FRMD3: variants seen among roughly 807,000 people sequenced by gnomAD.
The protein encoded by FRMD3 is FERM domain-containing protein 3.
A neutral mutation model predicts 70.2 loss-of-function variants in FRMD3; 33 were observed. The ratio of observed to expected loss-of-function variants is 0.47; its 90% confidence interval spans 0.36 to 0.63. The LOEUF is 0.63. Among genes scored for constraint, FRMD3 ranks in the 20% least tolerant of loss-of-function variants. FRMD3 has a pLI of 0.00. For missense variants in FRMD3, 632 were observed against 711.4 expected, an observed-to-expected ratio of 0.89 and a Z score of 1.27; for synonymous variants, 279 against 255.9, an observed-to-expected ratio of 1.09 and a Z score of -0.86.
At chr9:83,266,143 A>G (rs1447965276) in intron 13 of FRMD3, among the ~76,000 whole-genome samples, 1 of 152,198 alleles carries the variant, frequency 6.6e-6, no homozygotes, top group East Asian at 1.9e-4. Context: ...TTATAAAAAA[A>G]AAAAATCCTA....
intron 13 of FRMD3, among the ~76,000 whole-genome samples, chr9:83,268,534 T>C (rs1022935131): frequency 1.3e-5 from 2 of 152,250 alleles, no homozygotes; most frequent in Non-Finnish European, 2.9e-5. Flanking sequence ...ATACATGTGA[T>C]GAAATATTGC....
chr9:83,434,819 C>CTTTTT (rs757810185), intron 1 of FRMD3, among the ~76,000 whole-genome samples: 99 of 74,884 alleles, frequency 1.3e-3, no homozygotes, highest in Non-Finnish European at 1.6e-3. Flanking sequence ...CACCCCTCTG[C>CTTTTT]TTTTTTTTTT....
intron 1 of FRMD3, among the ~76,000 whole-genome samples, chr9:83,515,841 A>G (rs781271564): frequency 6.6e-6 from 1 of 152,336 alleles, no homozygotes; most frequent in East Asian, 1.9e-4. Flanking sequence ...AGAATTTTCA[A>G]TCCAGAATTT....
At chr9:83,457,039 C>T (rs188270510) in intron 1 of FRMD3, among the ~76,000 whole-genome samples, 18 of 152,000 alleles carry the variant, frequency 1.2e-4, no homozygotes, top group African/African-American at 3.1e-4. Context: ...AAGAATGAAA[C>T]ACCGAGTTTG....
the FRMD3 span, among the ~76,000 whole-genome samples, chr9:83,573,166 T>C: frequency 2.4e-3 from 365 of 152,330 alleles, no homozygotes; most frequent in African/African-American, 8.1e-3. Context: ...CAATAAACAT[T>C]AATTGAGCAT....
intron 1 of FRMD3, among the ~76,000 whole-genome samples, chr9:83,504,695 T>C (rs1829145232): frequency 6.6e-6 from 1 of 152,076 alleles, no homozygotes; most frequent in African/African-American, 2.4e-5. Context: ...CTTCCCTACC[T>C]CTTCATCCTC....
At chr9:83,286,130 C>T (rs1447394998) in intron 13 of FRMD3, among the ~76,000 whole-genome samples, 1 of 152,148 alleles carries the variant, frequency 6.6e-6, no homozygotes, top group Non-Finnish European at 1.5e-5. Context: ...CTTTGAGAAA[C>T]TTGAAAAGAA....
At chr9:83,401,706 G>A (rs889538811) in intron 1 of FRMD3, among the ~76,000 whole-genome samples, 1 of 152,200 alleles carries the variant, frequency 6.6e-6, no homozygotes, top group African/African-American at 2.4e-5. Context: ...ACAGCAGCAG[G>A]AAAGGAATGT....
chr9:83,367,180 G>C (rs553337568), intron 3 of FRMD3, among the ~76,000 whole-genome samples: 5 of 152,248 alleles, frequency 3.3e-5, no homozygotes, highest in Admixed American at 3.3e-4. Context: ...TGTTATCCGA[G>C]TACTCTTAAA....
At chr9:83,334,117 C>T (rs1307531140) in intron 6 of FRMD3, among the ~76,000 whole-genome samples, 1 of 152,132 alleles carries the variant, frequency 6.6e-6, no homozygotes, top group Admixed American at 6.6e-5. Flanking sequence ...GATTCTCACC[C>T]TGTGCTCCCC....
intron 1 of FRMD3, among the ~76,000 whole-genome samples, chr9:83,437,722 G>T (rs566089124): frequency 2.0e-5 from 3 of 152,256 alleles, no homozygotes; most frequent in East Asian, 1.9e-4. Context: ...GCACACAGAC[G>T]TGGGTCTTCC....
At chr9:83,399,710 C>G (rs534618121) in intron 1 of FRMD3, among the ~76,000 whole-genome samples, 54 of 152,176 alleles carry the variant, frequency 3.5e-4, no homozygotes, top group Admixed American at 3.1e-3. Context: ...CCTGGGACTG[C>G]TATATTTGGT....
intron 1 of FRMD3, among the ~76,000 whole-genome samples, chr9:83,418,948 C>T (rs1427228381): frequency 6.6e-6 from 1 of 152,166 alleles, no homozygotes; most frequent in Non-Finnish European, 1.5e-5. Context: ...TGGAATTCTA[C>T]TCAGCCATTA....
intron 1 of FRMD3, among the ~76,000 whole-genome samples, chr9:83,479,686 AAGAAAGAAAGAAAGAAAG>A (rs1331595102): frequency 0.026 from 2,176 of 83,364 alleles, 146 homozygotes; most frequent in African/African-American, 0.099. Context: ...GAAAGAAAGA[AAGAAAGAAAGAAAGAAAG>A]AAAGAAAGAA....
chr9:83,356,498 G>A (rs753933733), intron 3 of FRMD3, among the ~76,000 whole-genome samples: 3 of 151,486 alleles, frequency 2.0e-5, no homozygotes, highest in African/African-American at 7.3e-5. Flanking sequence ...GGATGGTCTC[G>A]ATCTCCTGAC....
At chr9:83,401,880 A>T (rs547994269) in intron 1 of FRMD3, among the ~76,000 whole-genome samples, 1 of 152,266 alleles carries the variant, frequency 6.6e-6, no homozygotes, top group South Asian at 2.1e-4. Context: ...CTTACAAATA[A>T]TCCTAATAGC....
intron 1 of FRMD3, among the ~76,000 whole-genome samples, chr9:83,451,421 G>T (rs202214442): frequency 3.2e-5 from 3 of 94,476 alleles, no homozygotes; most frequent in African/African-American, 1.0e-4. Context: ...ACACACACAC[G>T]GAAGTACTGA....
At chr9:83,555,979 G>C in the FRMD3 span, among the ~76,000 whole-genome samples, 1 of 152,184 alleles carries the variant, frequency 6.6e-6, no homozygotes, top group African/African-American at 2.4e-5. Context: ...GTGAGCTGTT[G>C]TCTTGTCTTG....
chr9:83,415,618 T>C (rs1257835428), intron 1 of FRMD3, among the ~76,000 whole-genome samples: 11 of 146,744 alleles, frequency 7.5e-5, no homozygotes, highest in Non-Finnish European at 1.1e-4. Flanking sequence ...AATTTTCTTT[T>C]TTTTTTTTTT....
Sources: allele counts gnomAD v4.1 joint callset (sites outside exome capture counted in the v4.1 genomes callset), GRCh38; gene constraint gnomAD v4.1.1; transcripts MANE v1.5; gene names NCBI Gene and HGNC (gene_info 2026-07-23, HGNC 2026-07-21).